CHST11: variants seen among roughly 807,000 people sequenced by gnomAD.
CHST11 encodes C4S-1.
Under a neutral mutation model 30.4 loss-of-function variants are expected in CHST11, and 9 were observed. That is an observed-to-expected ratio of 0.30 (90% CI 0.18 to 0.52). The LOEUF (loss-of-function observed/expected upper bound fraction) is 0.52. CHST11 is among the 20% of genes least tolerant of loss of function. CHST11 has a pLI of 0.97. For synonymous variants in CHST11, 152 were observed against 187.8 expected, an observed-to-expected ratio of 0.81 and a Z score of 1.56; for missense variants, 348 against 460.6, an observed-to-expected ratio of 0.76 and a Z score of 2.24.
chr12:104,511,740 G>A (rs1221296187), intron 1 of CHST11, among the ~76,000 whole-genome samples: 1 of 152,144 alleles, frequency 6.6e-6, no homozygotes, highest in East Asian at 1.9e-4. Flanking sequence ...TGGAGACTAG[G>A]CACACTATCA....
rs527660102 is a variant in CHST11, at chr12:104,495,667, A to G, written c.118+38138A>G. Reference sequence around the variant, plus strand: ...TTATTAAGTGTTCTAAGCATCTTGCATGACTTAATTCTCATTACATCTCTG... The same window carrying G: ...TTATTAAGTGTTCTAAGCATCTTGCGTGACTTAATTCTCATTACATCTCTG... On this transcript the variant is annotated intron_variant, in intron 1 of 2. Coordinates refer to ENST00000303694, the MANE Select transcript of CHST11 (RefSeq NM_018413.6). 6.6e-5 allele frequency among the ~76,000 whole-genome samples: 10 copies of G among 152,318 alleles called. No homozygotes were observed. In the South Asian group the frequency reaches 2.1e-3, roughly 32 times the overall value.
At chr12:104,579,032 A>G (rs2038712469) in intron 1 of CHST11, among the ~76,000 whole-genome samples, 1 of 152,262 alleles carries the variant, frequency 6.6e-6, no homozygotes, top group Non-Finnish European at 1.5e-5. Flanking sequence ...GACCAGAAGA[A>G]GCCATGAGAA....
intron 1 of CHST11, among the ~76,000 whole-genome samples, chr12:104,466,578 C>G (rs1268993955): frequency 6.6e-6 from 1 of 152,168 alleles, no homozygotes; most frequent in Non-Finnish European, 1.5e-5. Flanking sequence ...TTGGGAGAGC[C>G]AAATTCACAT....
chr12:104,604,534 TGAG>T (rs1398280525), intron 2 of CHST11, among the ~76,000 whole-genome samples: 1 of 152,128 alleles, frequency 6.6e-6, no homozygotes, highest in Non-Finnish European at 1.5e-5. Context: ...GCCAGGGAGT[TGAG>T]GAGAGAAGGG....
At chr12:104,751,459 A>G (rs914236888) in intron 2 of CHST11, among the ~76,000 whole-genome samples, 3 of 152,232 alleles carry the variant, frequency 2.0e-5, no homozygotes, top group African/African-American at 7.2e-5. Context: ...AGGGTGATGA[A>G]TACATCGGCT....
At chr12:104,482,024 A>T (rs1411239709) in intron 1 of CHST11, among the ~76,000 whole-genome samples, 2 of 151,398 alleles carry the variant, frequency 1.3e-5, no homozygotes, top group Non-Finnish European at 2.9e-5. Flanking sequence ...ATATATATAT[A>T]TTTTTTAGTA....
intron 1 of CHST11, among the ~76,000 whole-genome samples, chr12:104,506,384 T>C (rs1291005231): frequency 1.3e-5 from 2 of 152,180 alleles, no homozygotes; most frequent in Non-Finnish European, 2.9e-5. Context: ...GGGAACAAAA[T>C]AGTATCTGCT....
chr12:104,681,613 T>A (rs2039796038), intron 2 of CHST11, among the ~76,000 whole-genome samples: 1 of 152,168 alleles, frequency 6.6e-6, no homozygotes, highest in Non-Finnish European at 1.5e-5. Context: ...TATAGTTTCA[T>A]TACTTTCAGA....
chr12:104,663,273 G>A (rs998855680), intron 2 of CHST11, among the ~76,000 whole-genome samples: 1 of 152,174 alleles, frequency 6.6e-6, no homozygotes, highest in South Asian at 2.1e-4. Flanking sequence ...GATTTCAGTG[G>A]GTTTGTTTTG....
intron 2 of CHST11, among the ~76,000 whole-genome samples, chr12:104,669,777 C>T (rs889542027): frequency 2.0e-5 from 3 of 152,158 alleles, no homozygotes; most frequent in Non-Finnish European, 4.4e-5. Context: ...GATGACAGCT[C>T]GTAGCTTACT....
intron 2 of CHST11, among the ~76,000 whole-genome samples, chr12:104,643,518 C>T (rs1224842506): frequency 6.6e-6 from 1 of 152,258 alleles, no homozygotes; most frequent in African/African-American, 2.4e-5. Flanking sequence ...TAGTGGGTAG[C>T]GTGTTTGTGT....
rs1400276678 is a variant in CHST11, at chr12:104,760,612, CTT to C, written c.*2811_*2812del. On this transcript the variant is annotated 3_prime_UTR_variant, in exon 3 of 3. Coordinates refer to ENST00000303694, the MANE Select transcript of CHST11 (RefSeq NM_018413.6). ...CGTTGCTTTGCATTTCTGTGTCCGT[CTT>C]TGGTCAGTTGTGCAAGCCTGCTCAC... 1 of 152,192 alleles carries C rather than the reference CTT, an allele frequency of 6.6e-6. No individual in the cohort carries two copies. The highest frequency in any genetic ancestry group is 6.5e-5 in the Admixed American group (1 of 15,282). The allele number at this position is 152,192 out of a possible 1,614,324, so 9.4% of individuals were successfully genotyped here. A position where few individuals can be genotyped will look rare whatever the true frequency, so the allele number is the denominator to read the frequency against.
intron 2 of CHST11, among the ~76,000 whole-genome samples, chr12:104,675,986 G>T (rs1479520497): frequency 6.6e-6 from 1 of 152,122 alleles, no homozygotes; most frequent in Non-Finnish European, 1.5e-5. Context: ...CAGAGCCAAG[G>T]TTCACAAGCT....
chr12:104,652,925 A>G lies in CHST11; in HGVS notation c.204+50934A>G, dbSNP rs187472788. 5.5e-3 allele frequency among the ~76,000 whole-genome samples: 835 copies of G among 152,266 alleles called. 3 individuals are homozygous for G. Among genetic ancestry groups the G allele is most frequent in the Non-Finnish European group, 7.9e-3 (534 of 68,000 alleles). ...ACACTCCCTACGCACATCTTAGTCA[A>G]ACTGCTTCACCTTGGGCCTAATGAC... On this transcript the variant is annotated intron_variant, in intron 2 of 2. Transcript: ENST00000303694.
In CHST11 at chr12:104,457,231, C is replaced by G; in HGVS notation, c.-181C>G. 1.8e-6 allele frequency: 1 copy of G among 566,104 alleles called. No homozygotes were observed. The highest frequency in any genetic ancestry group is 3.0e-5 in the Admixed American group (1 of 33,022). The allele number at this position is 566,104 out of a possible 1,614,324, so 35.1% of individuals were successfully genotyped here. On this transcript the variant is annotated 5_prime_UTR_variant, in exon 1 of 3. Coordinates refer to ENST00000303694, the MANE Select transcript of CHST11 (RefSeq NM_018413.6). ...ACTTCCAGACCAACTCCGGCACCTT[C>G]CACACCCCTGCCCGGGCTGGGGGCT... is the stretch of plus-strand genomic sequence containing the variant.
chr12:104,696,105 G>T (rs1346671735), intron 2 of CHST11, among the ~76,000 whole-genome samples: 2 of 152,050 alleles, frequency 1.3e-5, no homozygotes, highest in African/African-American at 2.4e-5. Context: ...ATGTTAACTC[G>T]CCATCTGCAT....
intron 2 of CHST11, among the ~76,000 whole-genome samples, chr12:104,742,765 C>T (rs1462428133): frequency 1.3e-5 from 2 of 152,206 alleles, no homozygotes; most frequent in Non-Finnish European, 2.9e-5. Flanking sequence ...CCTGGGCAGC[C>T]CTTGGCGCCC....
chr12:104,568,329 C>T (rs768773832), intron 1 of CHST11, among the ~76,000 whole-genome samples: 4 of 152,146 alleles, frequency 2.6e-5, no homozygotes, highest in African/African-American at 7.2e-5. Flanking sequence ...TGCCAGTGGC[C>T]CCCCTCCCAC....
intron 2 of CHST11, among the ~76,000 whole-genome samples, chr12:104,709,260 C>T (rs1566047938): frequency 6.6e-6 from 1 of 152,228 alleles, no homozygotes; most frequent in Non-Finnish European, 1.5e-5. Context: ...CGCCCCCACA[C>T]CCAGGGTTCG....
Sources: allele counts gnomAD v4.1 joint callset (sites outside exome capture counted in the v4.1 genomes callset), GRCh38; gene constraint gnomAD v4.1.1; transcripts MANE v1.5; gene names NCBI Gene and HGNC (gene_info 2026-07-23, HGNC 2026-07-21).